SECISBP2: variants seen among roughly 807,000 people sequenced by gnomAD.
The protein encoded by SECISBP2 is selenocysteine insertion sequence-binding protein 2.
In SECISBP2, 96 loss-of-function variants were observed where a neutral mutation model predicts 98.2. The observed-to-expected ratio is 0.98, with a 90% confidence interval of 0.83 to 1.16. The LOEUF is 1.16. SECISBP2 is among the 50% of genes most tolerant of loss of function. SECISBP2 has a pLI of 0.00. For missense variants in SECISBP2, 1,046 were observed against 1,022.9 expected (o/e 1.02, Z -0.31); for synonymous variants, 407 against 370.2 (o/e 1.10, Z -1.14).
At chr9:89,319,827 G>A (rs759700483) in intron 2 of SECISBP2, 30 bp downstream of exon 2, 1 of 1,611,220 alleles carries the variant, frequency 6.2e-7, no homozygotes, top group Non-Finnish European at 8.5e-7. Context: ...TCTTACCTAG[G>A]GGCTTACATT....
chr9:89,341,277 A>T, intron 9 of SECISBP2, 70 bp from the exon 10 acceptor site: 1 of 1,411,322 alleles, frequency 7.1e-7, no homozygotes, highest in Non-Finnish European at 9.9e-7. Flanking sequence ...TCTTTACATC[A>T]GTTTTTTGTA....
chr9:89,343,684 T>C lies in SECISBP2; in HGVS notation c.1435+2205T>C, dbSNP rs769377811. Among the ~76,000 whole-genome samples, 8 of 152,376 alleles carry C rather than the reference T, an allele frequency of 5.3e-5. No homozygotes were observed. The South Asian group carries it at 1.0e-3, about 20-fold the overall frequency. ...AAGGACGTGGTCTCATTCTCTTTTATGACTGCATAGTATTCCATGGTGTAT... is the reference window on the plus strand; with the variant it reads ...AAGGACGTGGTCTCATTCTCTTTTACGACTGCATAGTATTCCATGGTGTAT... On this transcript the variant is annotated intron_variant, in intron 10 of 16. Coordinates refer to ENST00000375807, the MANE Select transcript of SECISBP2 (RefSeq NM_024077.5).
In SECISBP2 at chr9:89,358,159, C is replaced by T; in HGVS notation, c.2429C>T (p.Pro810Leu). The change falls in exon 16 of 17, where the codon CCA (proline) becomes CTA (leucine). Residue 810 changes from proline to leucine, a missense_variant. Coordinates refer to ENST00000375807, the MANE Select transcript of SECISBP2 (RefSeq NM_024077.5). ...GPSCPAEDGP[P>L]ALKEKEEPHY... is the part of the protein sequence containing the mutation. Reference sequence around the variant, plus strand: ...AGCTGCCCTGCAGAAGATGGCCCCCCAGCCCTGAAAGAAAAAGAAGAGCCA... The same window carrying T: ...AGCTGCCCTGCAGAAGATGGCCCCCTAGCCCTGAAAGAAAAAGAAGAGCCA... 1.9e-6 allele frequency: 3 copies of T among 1,613,586 alleles called. No individual in the cohort carries two copies. The highest frequency in any genetic ancestry group is 1.7e-6 in the Non-Finnish European group (2 of 1,179,838).
chr9:89,325,733 T>C (rs1045399193), intron 3 of SECISBP2, 57 bp downstream of exon 3: 1 of 1,610,632 alleles, frequency 6.2e-7, no homozygotes, highest in Admixed American at 1.7e-5. Context: ...ATGTTTAAAA[T>C]GTAAAGAAAT....
chr9:89,357,629 C>T, intron 15 of SECISBP2, 64 bp downstream of exon 15: 1 of 1,597,792 alleles, frequency 6.3e-7, no homozygotes, highest in Non-Finnish European at 8.6e-7. Flanking sequence ...GGCAGGTGGT[C>T]AGTGTGGGCT....
chr9:89,318,624 C>T lies in SECISBP2; in HGVS notation c.36+12C>T. 1.4e-6 allele frequency: 2 copies of T among 1,427,172 alleles called. No homozygotes were observed. The highest frequency in any genetic ancestry group is 2.9e-5 in the South Asian group (2 of 69,732). 88.4% of individuals were successfully genotyped at this position (1,427,172 alleles called of 1,614,324 possible). On this transcript the variant is annotated intron_variant, in intron 1 of 16. Coordinates refer to ENST00000375807, the MANE Select transcript of SECISBP2 (RefSeq NM_024077.5). ...AGCCCGAAAGCGAGGTAAGGGCCGA[C>T]GGGGGCTCTCTCGGCAGCCTCAGTC... is the stretch of plus-strand genomic sequence containing the variant.
chr9:89,360,908 T>C (rs1273491527), downstream of SECISBP2: 1 of 152,204 alleles, frequency 6.6e-6, no homozygotes, highest in Non-Finnish European at 1.5e-5. Flanking sequence ...AAGTATGTAA[T>C]TATTTTGTTA....
chr9:89,357,648 G>A, intron 15 of SECISBP2, 83 bp downstream of exon 15: 1 of 1,538,066 alleles, frequency 6.5e-7, no homozygotes, highest in Non-Finnish European at 9.0e-7. Flanking sequence ...CTCACCCACA[G>A]AGCAGCCCCA....
At chr9:89,356,480 A>AC (rs1832093836) in intron 14 of SECISBP2, 1 of 152,306 alleles carries the variant, frequency 6.6e-6, no homozygotes, top group South Asian at 2.1e-4. Context: ...GGTTTAAAAG[A>AC]CAGGGTCTCA....
At chr9:89,363,452 A>C (rs766979797), downstream of SECISBP2, 5 of 1,613,674 alleles carry the variant, frequency 3.1e-6, no homozygotes, top group Admixed American at 6.7e-5. Context: ...CCAGCTCTGC[A>C]TCATCCGGTC....
intron 10 of SECISBP2, 120 bp downstream of exon 10, chr9:89,341,599 T>A: frequency 8.9e-7 from 1 of 1,120,466 alleles, no homozygotes; most frequent in Admixed American, 1.9e-5. Context: ...GATGCTAGAA[T>A]AAGCATAGAT....
Position 89,358,174 on chromosome 9 carries a change from A to G in SECISBP2, c.2444A>G (p.Lys815Arg). 6.2e-7 allele frequency: 1 copy of G among 1,612,970 alleles called. No individual in the cohort carries two copies. Among genetic ancestry groups the G allele is most frequent in the Non-Finnish European group, 8.5e-7 (1 of 1,179,622 alleles). The change falls in exon 16 of 17, where the codon AAA becomes AGA. Residue 815 changes from lysine to arginine, a missense_variant. Transcript: ENST00000375807. ...AEDGPPALKEKEEPHYIEIWK... is the reference protein window; with the variant it reads ...AEDGPPALKEREEPHYIEIWK... Reference sequence around the variant, plus strand: ...GATGGCCCCCCAGCCCTGAAAGAAAAAGAAGAGCCACACTACAGTGAGTGC... The same window carrying G: ...GATGGCCCCCCAGCCCTGAAAGAAAGAGAAGAGCCACACTACAGTGAGTGC...
chr9:89,362,274 T>C (rs959549980), downstream of SECISBP2: 48 of 1,547,030 alleles, frequency 3.1e-5, no homozygotes, highest in African/African-American at 6.1e-4. Context: ...AATGGCTGTG[T>C]TCAGAGCAGG....
downstream of SECISBP2, chr9:89,361,449 C>A (rs1187542486): frequency 6.6e-6 from 1 of 152,170 alleles, no homozygotes; most frequent in African/African-American, 2.4e-5. Flanking sequence ...TGAAAACTGT[C>A]ATTCAACAGA....
intron 11 of SECISBP2, among the ~76,000 whole-genome samples, chr9:89,347,731 C>T (rs1830639417): frequency 6.6e-6 from 1 of 152,172 alleles, no homozygotes; most frequent in Admixed American, 6.5e-5. Context: ...ATGCACCTCC[C>T]AAAGTGCTGG....
At chr9:89,328,364 G>T (rs1406662082) in intron 4 of SECISBP2, among the ~76,000 whole-genome samples, 1 of 152,132 alleles carries the variant, frequency 6.6e-6, no homozygotes, top group Non-Finnish European at 1.5e-5. Context: ...TGTTGTATAC[G>T]TAATCCATTG....
Position 89,319,809 on chromosome 9 carries a change from T to A in SECISBP2, c.182+12T>A. On this transcript the variant is annotated intron_variant, in intron 2 of 16. Transcript: ENST00000375807. ...CCACCAGTGACAGAGTATGTATCTTTCTAAAAGTCTTACCTAGGGGCTTAC... is the reference window on the plus strand; with the variant it reads ...CCACCAGTGACAGAGTATGTATCTTACTAAAAGTCTTACCTAGGGGCTTAC... 6.2e-7 allele frequency: 1 copy of A among 1,613,620 alleles called. No individual in the cohort carries two copies. Among genetic ancestry groups the A allele is most frequent in the Non-Finnish European group, 8.5e-7 (1 of 1,179,746 alleles).
At chr9:89,334,235 T>C (rs894362358) in intron 6 of SECISBP2, 2 of 1,198,346 alleles carry the variant, frequency 1.7e-6, no homozygotes, top group African/African-American at 3.1e-5. Context: ...GATTGTTGTT[T>C]TTTAACTAAA....
chr9:89,328,151 A>G (rs1240953149), intron 4 of SECISBP2, among the ~76,000 whole-genome samples: 1 of 152,240 alleles, frequency 6.6e-6, no homozygotes, highest in Non-Finnish European at 1.5e-5. Context: ...GATAAAAAGT[A>G]TAATACATAA....
Sources: gnomAD v4.1 joint callset for allele counts (sites outside exome capture counted in the v4.1 genomes callset) on GRCh38, gnomAD v4.1.1 for gene constraint, MANE v1.5 for transcripts, NCBI Gene and HGNC (gene_info 2026-07-23, HGNC 2026-07-21) for gene names.